The following SNTG1 variants were observed in gnomAD, a reference collection of about 807,000 sequenced individuals.
The protein encoded by SNTG1 is syntrophin gamma 1.
SNTG1 carries 39 observed loss-of-function variants against 74.7 expected under a neutral mutation model. That is an observed-to-expected ratio of 0.52 (90% confidence interval 0.40 to 0.68). The LOEUF (loss-of-function observed/expected upper bound fraction) is 0.68. Ranked by LOEUF, SNTG1 falls within the 30% of genes least tolerant of loss-of-function variation. The pLI is 0.00. For missense variants in SNTG1, 685 were observed against 609.5 expected (o/e 1.12, Z -1.30); for synonymous variants, 254 against 217.1 (o/e 1.17, Z -1.49).
chr8:50,646,757 C>A (rs570395697), intron 13 of SNTG1, among the ~76,000 whole-genome samples: 1 of 152,038 alleles, frequency 6.6e-6, no homozygotes, highest in Non-Finnish European at 1.5e-5. Flanking sequence ...CCAGAAAAAC[C>A]AACACCATAC....
At chr8:50,095,410 A>T (rs1410650005) in intron 1 of SNTG1, among the ~76,000 whole-genome samples, 1 of 152,232 alleles carries the variant, frequency 6.6e-6, no homozygotes, top group Non-Finnish European at 1.5e-5. Flanking sequence ...TGACAGAAAC[A>T]GTCTCAGCGT....
intron 13 of SNTG1, among the ~76,000 whole-genome samples, chr8:50,606,347 T>C (rs1285004915): frequency 1.3e-5 from 2 of 152,130 alleles, no homozygotes; most frequent in African/African-American, 4.8e-5. Flanking sequence ...GAAACCATTC[T>C]AGTTTCCAGT....
chr8:50,457,710 T>C (rs2093519455), intron 8 of SNTG1, among the ~76,000 whole-genome samples: 1 of 152,096 alleles, frequency 6.6e-6, no homozygotes, highest in African/African-American at 2.4e-5. Flanking sequence ...AAAGCCGCCA[T>C]CCAGCAAACA....
At chr8:50,302,541 T>G (rs2130679574) in intron 2 of SNTG1, among the ~76,000 whole-genome samples, 1 of 152,316 alleles carries the variant, frequency 6.6e-6, no homozygotes, top group Non-Finnish European at 1.5e-5. Context: ...CAAATGTTCT[T>G]ACTGAGATTT....
At chr8:50,329,809 G>T (rs2090892758) in intron 2 of SNTG1, among the ~76,000 whole-genome samples, 1 of 152,016 alleles carries the variant, frequency 6.6e-6, no homozygotes, top group Admixed American at 6.6e-5. Flanking sequence ...TTTCTCCCTA[G>T]AAATTTTTTT....
intron 1 of SNTG1, among the ~76,000 whole-genome samples, chr8:50,139,033 T>C (rs1343499821): frequency 6.6e-6 from 1 of 152,232 alleles, no homozygotes; most frequent in Non-Finnish European, 1.5e-5. Context: ...ACACAAATGC[T>C]GTTACCATTT....
chr8:50,172,326 T>C (rs1220346492), intron 1 of SNTG1, among the ~76,000 whole-genome samples: 1 of 152,188 alleles, frequency 6.6e-6, no homozygotes, highest in Non-Finnish European at 1.5e-5. Flanking sequence ...CAGAACTTAA[T>C]CTTGTGGCAT....
At chr8:50,254,864 A>AG (rs1554620717) in intron 2 of SNTG1, among the ~76,000 whole-genome samples, 5 of 147,414 alleles carry the variant, frequency 3.4e-5, no homozygotes, top group East Asian at 4.0e-4. Flanking sequence ...AAAAAAAAAA[A>AG]AAAGAAAGAA....
At position 50,779,618 on chromosome 8, in the gene SNTG1, T is replaced by C. The variant is rs1442311235; in HGVS notation, c.1396-13053T>C. On this transcript the variant is annotated intron_variant, in intron 18 of 18. Transcript: ENST00000642720. Reference sequence around the variant, plus strand: ...GAGATTTTGGGCTGAGACAATGGGGTTTTCTAGATATACAATCATGTCATC... The same window carrying C: ...GAGATTTTGGGCTGAGACAATGGGGCTTTCTAGATATACAATCATGTCATC... Among the ~76,000 whole-genome samples the C allele has an allele frequency of 4.0e-5, 6 of 151,288 alleles. No homozygotes were observed. The East Asian group carries it at 1.2e-3, about 29-fold the overall frequency.
In SNTG1 at chr8:50,530,298, T is replaced by C. The variant is rs372238274; in HGVS notation, c.549+39T>C. On this transcript the variant is annotated intron_variant, in intron 10 of 18. Coordinates refer to ENST00000642720, the MANE Select transcript of SNTG1 (RefSeq NM_018967.5). Reference sequence around the variant, plus strand: ...GGCATAGCTCAGATTAATAAGGAGATAACACATAGCTTATAAAAACTGCTA... The same window carrying C: ...GGCATAGCTCAGATTAATAAGGAGACAACACATAGCTTATAAAAACTGCTA... 3 of 1,581,946 alleles carry C rather than the reference T, an allele frequency of 1.9e-6. No individual in the cohort carries two copies. The South Asian group carries it at 3.3e-5, about 18-fold the overall frequency.
intron 2 of SNTG1, among the ~76,000 whole-genome samples, chr8:50,251,527 G>A (rs1488794106): frequency 1.3e-5 from 2 of 151,578 alleles, no homozygotes; most frequent in African/African-American, 4.8e-5. Flanking sequence ...TAAAAGGATG[G>A]AAAAATATAT....
At chr8:50,623,738 T>C (rs1174422513) in intron 13 of SNTG1, among the ~76,000 whole-genome samples, 1 of 152,056 alleles carries the variant, frequency 6.6e-6, no homozygotes, top group African/African-American at 2.4e-5. Context: ...TTATGAAAAG[T>C]TGAAAAATAC....
chr8:50,157,153 T>C (rs992203107), intron 1 of SNTG1, among the ~76,000 whole-genome samples: 3 of 152,086 alleles, frequency 2.0e-5, no homozygotes, highest in African/African-American at 7.2e-5. Flanking sequence ...AAAATAGATA[T>C]CAATATCTAT....
intron 17 of SNTG1, among the ~76,000 whole-genome samples, chr8:50,725,384 TTTAAC>T (rs2095497543): frequency 6.6e-6 from 1 of 152,158 alleles, no homozygotes; most frequent in South Asian, 2.1e-4. Context: ...ACCTTACTTT[TTTAAC>T]TTAACTAAAG....
At chr8:50,396,370 A>G (rs2092728834) in intron 3 of SNTG1, among the ~76,000 whole-genome samples, 1 of 152,202 alleles carries the variant, frequency 6.6e-6, no homozygotes. Context: ...CTTTGAATAG[A>G]ATGATTTCAG....
chr8:50,156,802 G>A (rs1437611772), intron 1 of SNTG1, among the ~76,000 whole-genome samples: 2 of 152,018 alleles, frequency 1.3e-5, no homozygotes, highest in African/African-American at 2.4e-5. Flanking sequence ...CAAGTAAGTG[G>A]AAATTAAACC....
intron 18 of SNTG1, among the ~76,000 whole-genome samples, chr8:50,779,430 G>A (rs984438932): frequency 1.2e-4 from 19 of 152,174 alleles, no homozygotes; most frequent in African/African-American, 4.6e-4. Context: ...TCCCTTATAA[G>A]GTGGATTCCT....
At chr8:49,933,579 G>T (rs931831305) in intron 1 of SNTG1, among the ~76,000 whole-genome samples, 1 of 152,102 alleles carries the variant, frequency 6.6e-6, no homozygotes, top group African/African-American at 2.4e-5. Context: ...ATTTCCAGTT[G>T]TTCCAGCACC....
chr8:49,942,694 AT>A (rs1808807714), intron 1 of SNTG1, among the ~76,000 whole-genome samples: 1 of 152,064 alleles, frequency 6.6e-6, no homozygotes, highest in African/African-American at 2.4e-5. Flanking sequence ...ATGTCCCTAT[AT>A]TGGGGTTTCT....
Sources: allele counts gnomAD v4.1 joint callset (sites outside exome capture counted in the v4.1 genomes callset), GRCh38; gene constraint gnomAD v4.1.1; transcripts MANE v1.5; gene names NCBI Gene and HGNC (gene_info 2026-07-23, HGNC 2026-07-21).